NUBPL: variants seen among roughly 807,000 people sequenced by gnomAD.
The protein encoded by NUBPL is iron-sulfur cluster transfer protein NUBPL.
In NUBPL, 31 loss-of-function variants were observed where a neutral mutation model predicts 45.7. That is an observed-to-expected ratio of 0.68 (90% CI 0.51 to 0.92). The LOEUF (loss-of-function observed/expected upper bound fraction) is 0.92, where lower values mean the gene tolerates loss of function less well. Ranked by LOEUF, NUBPL falls within the 40% of genes least tolerant of loss-of-function variation. The pLI is 0.00. For missense variants in NUBPL, 401 were observed against 398.7 expected (o/e 1.01, Z -0.05); for synonymous variants, 144 against 140.9 (o/e 1.02, Z -0.15).
intron 3 of NUBPL, among the ~76,000 whole-genome samples, chr14:31,593,398 C>G (rs563066412): frequency 1.3e-5 from 2 of 150,748 alleles, no homozygotes; most frequent in Admixed American, 1.3e-4. Context: ...TCTGTAGTCC[C>G]GGTTACTCGG....
At chr14:31,732,609 CTTTT>C (rs71986817) in intron 6 of NUBPL, among the ~76,000 whole-genome samples, 1 of 81,036 alleles carries the variant, frequency 1.2e-5, no homozygotes, top group Non-Finnish European at 2.3e-5. Context: ...AATTTGTTCT[CTTTT>C]TTTTTTTTTT....
chr14:31,741,314 G>A (rs1566535049), intron 6 of NUBPL, among the ~76,000 whole-genome samples: 1 of 152,120 alleles, frequency 6.6e-6, no homozygotes, highest in East Asian at 1.9e-4. Context: ...CTTTGCCTCT[G>A]GAATGTGAAG....
intron 4 of NUBPL, among the ~76,000 whole-genome samples, chr14:31,634,656 A>G (rs1404533118): frequency 2.0e-5 from 3 of 152,178 alleles, no homozygotes; most frequent in Non-Finnish European, 4.4e-5. Flanking sequence ...TCCCTGAGGA[A>G]TCGCCACACT....
intron 6 of NUBPL, among the ~76,000 whole-genome samples, chr14:31,782,060 C>T (rs1330954174): frequency 6.6e-6 from 1 of 152,064 alleles, no homozygotes; most frequent in Non-Finnish European, 1.5e-5. Context: ...TTTTTTCTCA[C>T]TGAAGAACAT....
chr14:31,787,393 A>G (rs1405192165), intron 6 of NUBPL, among the ~76,000 whole-genome samples: 2 of 152,208 alleles, frequency 1.3e-5, no homozygotes, highest in Admixed American at 1.3e-4. Flanking sequence ...AACTTAAAAA[A>G]ATTATATTAG....
At chr14:31,784,913 A>C (rs6571467) in intron 6 of NUBPL, among the ~76,000 whole-genome samples, 18,810 of 152,216 alleles carry the variant, frequency 0.12, 3,128 homozygotes, top group African/African-American at 0.38. Context: ...TATAAAGGCT[A>C]TACTGGCTTT....
chr14:31,673,288 A>G lies in NUBPL; in HGVS notation c.383-67A>G, dbSNP rs535048947. The G allele has an allele frequency of 6.5e-6, 9 of 1,383,178 alleles. No homozygotes were observed. In the Admixed American group the frequency reaches 1.4e-4, roughly 21 times the overall value. 85.7% of individuals were successfully genotyped at this position (1,383,178 alleles called of 1,614,324 possible). A position where few individuals can be genotyped will look rare whatever the true frequency, so the allele number is the denominator to read the frequency against. On this transcript the variant is annotated intron_variant, in intron 4 of 10. Transcript: ENST00000281081. ...AAATTTTTAAAAAGATGAAAAAAAA[A>G]CCCAATTCAGAATGTTTATGTGTTG...
intron 6 of NUBPL, among the ~76,000 whole-genome samples, chr14:31,742,934 C>T (rs1312747380): frequency 6.6e-6 from 1 of 152,048 alleles, no homozygotes; most frequent in Non-Finnish European, 1.5e-5. Flanking sequence ...ATTTCAACTT[C>T]TATAAATTTT....
chr14:31,793,207 T>C (rs1006185112), intron 7 of NUBPL, among the ~76,000 whole-genome samples: 10 of 152,006 alleles, frequency 6.6e-5, no homozygotes, highest in Admixed American at 5.9e-4. Flanking sequence ...TAATTTGGGA[T>C]CCCTCTAGAA....
intron 4 of NUBPL, among the ~76,000 whole-genome samples, chr14:31,625,372 T>G (rs548095961): frequency 6.6e-6 from 1 of 152,306 alleles, no homozygotes; most frequent in African/African-American, 2.4e-5. Context: ...GTGTGACCCT[T>G]AGGAAATCAA....
intron 6 of NUBPL, among the ~76,000 whole-genome samples, chr14:31,713,944 C>T (rs2037631221): frequency 6.6e-6 from 1 of 152,182 alleles, no homozygotes; most frequent in South Asian, 2.1e-4. Flanking sequence ...GGTTCTTAGT[C>T]TTTACTAACT....
chr14:31,677,627 T>C, intron 6 of NUBPL, among the ~76,000 whole-genome samples: 1 of 152,174 alleles, frequency 6.6e-6, no homozygotes, highest in East Asian at 1.9e-4. Context: ...CAGAGGCTCT[T>C]GTTCTCTTCC....
chr14:31,581,244 A>G (rs1016391091), intron 3 of NUBPL, among the ~76,000 whole-genome samples: 3 of 146,502 alleles, frequency 2.0e-5, no homozygotes, highest in Admixed American at 6.9e-5. Context: ...TATGCATAAT[A>G]TAAAACTGAC....
chr14:31,605,495 C>T (rs917012123), intron 4 of NUBPL, among the ~76,000 whole-genome samples: 1 of 152,118 alleles, frequency 6.6e-6, no homozygotes, highest in Admixed American at 6.5e-5. Context: ...TGAGTAGGAT[C>T]CCCTTGTCTT....
chr14:31,859,296 A>C lies in NUBPL; in HGVS notation c.*116A>C. 1 of 868,386 alleles carries C rather than the reference A, an allele frequency of 1.2e-6. No homozygotes were observed. The highest frequency in any genetic ancestry group is 1.9e-5 in the Admixed American group (1 of 51,382). 53.8% of individuals were successfully genotyped at this position (868,386 alleles called of 1,614,324 possible). A position where few individuals can be genotyped will look rare whatever the true frequency, so the allele number is the denominator to read the frequency against. ...AGAAATCATAACTGTTTTATTTCTA[A>C]GGAAAGAATGTCTTCATATTTGACT... On this transcript the variant is annotated 3_prime_UTR_variant, in exon 11 of 11. Coordinates refer to ENST00000281081, the MANE Select transcript of NUBPL (RefSeq NM_025152.3).
At chr14:31,697,577 G>A (rs1442590626) in intron 6 of NUBPL, among the ~76,000 whole-genome samples, 1 of 152,094 alleles carries the variant, frequency 6.6e-6, no homozygotes, top group Non-Finnish European at 1.5e-5. Context: ...ACAAAAATAT[G>A]AAAAGGCTGT....
intron 4 of NUBPL, among the ~76,000 whole-genome samples, chr14:31,614,527 A>AT (rs1158102051): frequency 6.6e-6 from 1 of 152,126 alleles, no homozygotes; most frequent in East Asian, 1.9e-4. Context: ...CATATTTTTA[A>AT]TTTTTTTACA....
chr14:31,567,473 A>G (rs1362747870), intron 3 of NUBPL, among the ~76,000 whole-genome samples: 1 of 151,970 alleles, frequency 6.6e-6, no homozygotes, highest in East Asian at 1.9e-4. Context: ...TTTTTCTGTC[A>G]TATTTTGATC....
chr14:31,763,605 T>C (rs867932706), intron 6 of NUBPL, among the ~76,000 whole-genome samples: 2 of 152,224 alleles, frequency 1.3e-5, no homozygotes, highest in Non-Finnish European at 2.9e-5. Context: ...TCTGAATATA[T>C]TTTTTGTTTT....
Sources: gnomAD v4.1 joint callset for allele counts (sites outside exome capture counted in the v4.1 genomes callset) on GRCh38, gnomAD v4.1.1 for gene constraint, MANE v1.5 for transcripts, NCBI Gene and HGNC (gene_info 2026-07-23, HGNC 2026-07-21) for gene names.